DIAPH2: variants seen among roughly 807,000 people sequenced by gnomAD.
DIAPH2 encodes protein diaphanous homolog 2.
A neutral mutation model predicts 92.7 loss-of-function variants in DIAPH2; 35 were observed. The ratio of observed to expected loss-of-function variants is 0.38; its 90% confidence interval spans 0.29 to 0.50. The LOEUF is 0.50. DIAPH2 is among the 20% of genes least tolerant of loss of function. DIAPH2 has a pLI of 0.94. For synonymous variants in DIAPH2, 301 were observed against 280.4 expected (o/e 1.07, Z -0.73); for missense variants, 701 against 819.5 (o/e 0.86, Z 1.77).
intron 23 of DIAPH2, among the ~76,000 whole-genome samples, chrX:97,325,828 T>C (rs1602509853): frequency 9.0e-6 from 1 of 111,680 alleles, no homozygotes; most frequent in Non-Finnish European, 1.9e-5. Context: ...TCACCTGCCT[T>C]GGCCTCCCAA....
chrX:97,134,213 T>A (rs1412215103), intron 21 of DIAPH2, among the ~76,000 whole-genome samples: 1 of 112,006 alleles, frequency 8.9e-6, no homozygotes, highest in Non-Finnish European at 1.9e-5. Context: ...CATCTACTTT[T>A]GGATAGGTAG....
chrX:97,549,222 A>G (rs1170114932), intron 26 of DIAPH2, among the ~76,000 whole-genome samples: 2 of 112,213 alleles, frequency 1.8e-5, no homozygotes, highest in East Asian at 5.5e-4. Flanking sequence ...TAGATCTTAG[A>G]AATTAAAGTT....
At chrX:97,141,860 A>T (rs1435424372) in intron 22 of DIAPH2, 66 bp downstream of exon 22, 2 of 1,072,361 alleles carry the variant, frequency 1.9e-6, no homozygotes, top group East Asian at 6.5e-5. Context: ...ACAATTAAAG[A>T]ATCTGTAAAC....
At chrX:97,514,980 C>T (rs780675638) in intron 26 of DIAPH2, among the ~76,000 whole-genome samples, 3,006 of 108,601 alleles carry the variant, frequency 0.028, 35 homozygotes, top group Middle Eastern at 0.044. Flanking sequence ...TGTGCCCTGC[C>T]CCCAGAGGTG....
Position 96,949,040 on chromosome X carries a change from G to C in DIAPH2, c.1614+1G>C. On this transcript the variant is annotated splice_donor_variant, in intron 15 of 26. Coordinates refer to ENST00000324765, the MANE Select transcript of DIAPH2 (RefSeq NM_006729.5). LOFTEE classifies it high-confidence loss of function. ...AGAAATCCAGCAACTTCGAACCCAG[G>C]TAATGAAAGAAGATATAGACTTTGT... The C allele has an allele frequency of 8.6e-7, 1 of 1,161,070 alleles. No homozygotes were observed. Among genetic ancestry groups the C allele is most frequent in the East Asian group, 3.0e-5 (1 of 33,251 alleles).
At chrX:97,163,065 A>G (rs781291184) in intron 22 of DIAPH2, among the ~76,000 whole-genome samples, 2 of 111,691 alleles carry the variant, frequency 1.8e-5, no homozygotes, top group African/African-American at 6.5e-5. Flanking sequence ...TGGAAGTTTC[A>G]GATGCTCTGG....
At chrX:96,840,082 C>G (rs190779690) in intron 4 of DIAPH2, among the ~76,000 whole-genome samples, 34 of 112,047 alleles carry the variant, frequency 3.0e-4, no homozygotes, top group South Asian at 1.1e-3. Context: ...AATGTGTGAT[C>G]AATATAAAAT....
chrX:97,133,402 C>T (rs916581676), intron 21 of DIAPH2, among the ~76,000 whole-genome samples: 15 of 111,473 alleles, frequency 1.3e-4, no homozygotes, highest in Admixed American at 1.2e-3. Context: ...ATTCTCCTGC[C>T]TCGGCCTCCC....
intron 24 of DIAPH2, among the ~76,000 whole-genome samples, chrX:97,366,705 A>G (rs62595834): frequency 0.099 from 11,052 of 111,184 alleles, 596 homozygotes; most frequent in Non-Finnish European, 0.15. Flanking sequence ...ACATCTTTCT[A>G]CTTTCTCTAA....
At chrX:97,512,190 T>A (rs1490902147) in intron 26 of DIAPH2, among the ~76,000 whole-genome samples, 2 of 113,390 alleles carry the variant, frequency 1.8e-5, no homozygotes, top group Admixed American at 1.8e-4. Flanking sequence ...TTTCAGAGAC[T>A]CTTATTGGTC....
At position 97,504,510 on chromosome X, in the gene DIAPH2, A is replaced by G. The variant is rs569237551; in HGVS notation, c.3241+74765A>G. Among the ~76,000 whole-genome samples, 16 of 112,424 alleles carry G rather than the reference A, an allele frequency of 1.4e-4. No homozygotes were observed. In the South Asian group the frequency reaches 1.5e-3, roughly 10 times the overall value. Reference sequence around the variant, plus strand: ...TTGTACAGCAGCAAGGGAAGATTATAATGTCATTGGCTGTCAAAATGCCCT... The same window carrying G: ...TTGTACAGCAGCAAGGGAAGATTATGATGTCATTGGCTGTCAAAATGCCCT... On this transcript the variant is annotated intron_variant, in intron 26 of 26. Coordinates refer to ENST00000324765, the MANE Select transcript of DIAPH2 (RefSeq NM_006729.5).
chrX:97,230,272 T>C (rs2068000296), intron 22 of DIAPH2, among the ~76,000 whole-genome samples: 1 of 112,165 alleles, frequency 8.9e-6, no homozygotes, highest in South Asian at 3.7e-4. Flanking sequence ...AAATCAACCA[T>C]AATTATTTTT....
Position 97,114,765 on chromosome X carries a change from A to T in DIAPH2, c.2389A>T (p.Ile797Phe), listed in dbSNP as rs764330745. ...AATGTTACAGCCTCGTCTCAGTAGT[A>T]TCCTGTTCAAGCTCACATTTGAAGA... Reference protein sequence around the residue: ...VKMLQPRLSSILFKLTFEEHI... With the variant: ...VKMLQPRLSSFLFKLTFEEHI... The change falls in exon 21 of 27, where the codon ATC (isoleucine) becomes TTC (phenylalanine). Residue 797 changes from isoleucine (I) to phenylalanine (F), a missense_variant. By Grantham distance (21) the Ile-to-Phe change is conservative. Transcript: ENST00000324765. 8 of 1,208,765 alleles carry T rather than the reference A, an allele frequency of 6.6e-6. No homozygotes were observed. The highest frequency in any genetic ancestry group is 8.9e-6 in the Non-Finnish European group (8 of 894,305).
chrX:97,159,508 A>G (rs1204247267), intron 22 of DIAPH2, among the ~76,000 whole-genome samples: 1 of 111,659 alleles, frequency 9.0e-6, no homozygotes, highest in Non-Finnish European at 1.9e-5. Flanking sequence ...CCTGCTACCA[A>G]TGAGCGATGG....
intron 1 of DIAPH2, among the ~76,000 whole-genome samples, chrX:96,686,236 C>T (rs924723653): frequency 3.6e-5 from 4 of 111,474 alleles, no homozygotes; most frequent in Non-Finnish European, 1.9e-5. Context: ...TAAATAAAGC[C>T]GTTTCTTATG....
chrX:96,960,576 T>A (rs1434031644), intron 16 of DIAPH2, among the ~76,000 whole-genome samples: 2 of 111,278 alleles, frequency 1.8e-5, no homozygotes, highest in African/African-American at 3.3e-5. Flanking sequence ...CTTTTCCAAT[T>A]TGGATGTCCT....
chrX:96,901,532 G>GTTTTTTTTTTTTTTTTTTT lies in DIAPH2; in HGVS notation c.588-10787_588-10769dup, dbSNP rs369526046. 9.1e-5 allele frequency among the ~76,000 whole-genome samples: 3 copies of GTTTTTTTTTTTTTTTTTTT among 33,085 alleles called. 1 individual carries two copies. Among genetic ancestry groups the GTTTTTTTTTTTTTTTTTTT allele is most frequent in the African/African-American group, 3.1e-4 (3 of 9,602 alleles). 28.7% of individuals were successfully genotyped at this position (33,085 alleles called of 115,157 possible). Reference sequence around the variant, plus strand: ...GGATTTTGTTTGTTCTTTTCTTTCTGTTTTTTTTTTTTTTTTTTTTTTTTT... The same window carrying GTTTTTTTTTTTTTTTTTTT: ...GGATTTTGTTTGTTCTTTTCTTTCTGTTTTTTTTTTTTTTTTTTTTTTTTTTTTTTTTTTTTTTTTTTTT... On this transcript the variant is annotated intron_variant, in intron 5 of 26. Coordinates refer to ENST00000324765, the MANE Select transcript of DIAPH2 (RefSeq NM_006729.5).
intron 19 of DIAPH2, among the ~76,000 whole-genome samples, chrX:97,094,861 G>A (rs2066853562): frequency 9.0e-6 from 1 of 110,960 alleles, no homozygotes; most frequent in Non-Finnish European, 1.9e-5. Flanking sequence ...GAATAAAACA[G>A]AAAATAAGTA....
At chrX:96,883,265 A>G (rs1013257274) in intron 5 of DIAPH2, among the ~76,000 whole-genome samples, 12 of 111,854 alleles carry the variant, frequency 1.1e-4, no homozygotes, top group Non-Finnish European at 1.9e-4. Context: ...TTAAAACAAC[A>G]AAAAATTTTT....
Sources: allele counts gnomAD v4.1 joint callset (sites outside exome capture counted in the v4.1 genomes callset), GRCh38; gene constraint gnomAD v4.1.1; transcripts MANE v1.5; gene names NCBI Gene and HGNC (gene_info 2026-07-23, HGNC 2026-07-21).